MAN2B1: variants seen among roughly 807,000 people sequenced by gnomAD.
MAN2B1 encodes lysosomal alpha-mannosidase.
Under a neutral mutation model 127.5 loss-of-function variants are expected in MAN2B1, and 99 were observed. That is an observed-to-expected ratio of 0.78 (90% CI 0.66 to 0.92). MAN2B1 has a LOEUF of 0.92. Ranked by LOEUF, MAN2B1 falls within the 40% of genes least tolerant of loss-of-function variation. The pLI, the probability that MAN2B1 is intolerant of heterozygous loss-of-function variation, is 0.00. For missense variants in MAN2B1, 1,304 were observed against 1,384.8 expected (o/e 0.94, Z 0.93); for synonymous variants, 573 against 568.8 (o/e 1.01, Z -0.11).
chr19:12,666,462 G>T, intron 1 of MAN2B1, 81 bp downstream of exon 1: 1 of 1,496,382 alleles, frequency 6.7e-7, no homozygotes, highest in Non-Finnish European at 9.1e-7. Flanking sequence ...ACACCCACAG[G>T]ACAGACCCAC....
intron 13 of MAN2B1, chr19:12,656,279 T>C: frequency 2.1e-6 from 1 of 466,422 alleles, no homozygotes; most frequent in Non-Finnish European, 3.9e-6. Context: ...ATGCCTATAA[T>C]CCAGCAGGCG....
chr19:12,647,435 C>T lies in MAN2B1; in HGVS notation c.2820+8G>A, dbSNP rs1011078500. On this transcript the variant is annotated splice_region_variant and intron_variant, in intron 22 of 23. Coordinates refer to ENST00000456935, the MANE Select transcript of MAN2B1 (RefSeq NM_000528.4). The surrounding 1 kb of genome is among the most constrained non-coding windows in gnomAD (Gnocchi z 4.9). The stretch of plus-strand genomic sequence containing the variant: ...CTCCGATCTCCTTCTCAATTTTGCC[C>T]TTCTCACCCTCAAGTTCAAGGTAAC... The T allele has an allele frequency of 1.9e-6, 3 of 1,614,170 alleles. No homozygotes were observed. Among genetic ancestry groups the T allele is most frequent in the Non-Finnish European group, 2.5e-6 (3 of 1,180,008 alleles).
chr19:12,652,554 C>A, intron 14 of MAN2B1, 94 bp from the exon 15 acceptor site: 1 of 792,398 alleles, frequency 1.3e-6, no homozygotes, highest in South Asian at 1.5e-5. Context: ...TTTTTTGAGA[C>A]TGAGTCTCAC....
intron 14 of MAN2B1, 45 bp from the exon 15 acceptor site, chr19:12,652,505 G>T: frequency 3.1e-6 from 4 of 1,285,400 alleles, no homozygotes; most frequent in Non-Finnish European, 4.5e-6. Context: ...GTGTATGTGT[G>T]TGTGTTTTCT....
chr19:12,656,744 C>A, intron 12 of MAN2B1, 57 bp from the exon 13 acceptor site: 1 of 1,336,416 alleles, frequency 7.5e-7, no homozygotes, highest in Non-Finnish European at 1.1e-6. Context: ...TCCAAACCCA[C>A]CCACTTTGCA....
chr19:12,654,046 C>A lies in MAN2B1; in HGVS notation c.1831-1586G>T, dbSNP rs369051982. On this transcript the variant is annotated intron_variant, in intron 14 of 23. Coordinates refer to ENST00000456935, the MANE Select transcript of MAN2B1 (RefSeq NM_000528.4). ...GCCTTTTCTTTTTTTCTTTTTTTTT[C>A]TTTTTTTTTTTTTTGAGACGGAGTC... is the stretch of plus-strand genomic sequence containing the variant. Among the ~76,000 whole-genome samples, 4 of 135,120 alleles carry A rather than the reference C, an allele frequency of 3.0e-5. No individual in the cohort carries two copies. In the East Asian group the frequency reaches 8.8e-4, roughly 30 times the overall value. 88.6% of individuals were successfully genotyped at this position (135,120 alleles called of 152,430 possible). A position where few individuals can be genotyped will look rare whatever the true frequency, so the allele number is the denominator to read the frequency against.
chr19:12,657,139 G>A, intron 11 of MAN2B1, 83 bp from the exon 12 acceptor site: 2 of 851,538 alleles, frequency 2.3e-6, no homozygotes, highest in Non-Finnish European at 1.9e-6. Context: ...CCCCGTTCCG[G>A]TCTCTGTCCC....
intron 16 of MAN2B1, 109 bp from the exon 17 acceptor site, chr19:12,650,331 C>T: frequency 1.4e-6 from 1 of 738,564 alleles, no homozygotes; most frequent in Non-Finnish European, 2.5e-6. Flanking sequence ...ACATCAAGGT[C>T]AACCTTCAGT....
rs759744566 is a variant in MAN2B1 at position 12,647,238 on chromosome 19, T to C, written c.2918A>G (p.Asn973Ser). The change falls in exon 23 of 24, where the codon AAC becomes AGC. Residue 973 changes from asparagine (N) to serine (S), a missense_variant. Transcript: ENST00000456935. This position sits in a 1 kb window ranked among gnomAD's most constrained non-coding sequence, Gnocchi z 4.9. ...EAASRLKWTTNTGPTPHQTPY... is the reference protein window; with the variant it reads ...EAASRLKWTTSTGPTPHQTPY... The stretch of plus-strand genomic sequence containing the variant: ...ACCCCTGACCAGGGCCCCACCTGTG[T>C]TTGTTGTCCACTTGAGCCTGGAGGC... 15 of 1,613,206 alleles carry C rather than the reference T, an allele frequency of 9.3e-6. No homozygotes were observed. The East Asian group carries it at 3.3e-4, about 36-fold the overall frequency.
intron 14 of MAN2B1, among the ~76,000 whole-genome samples, chr19:12,653,100 C>T (rs901594347): frequency 1.3e-5 from 2 of 150,076 alleles, no homozygotes; most frequent in Non-Finnish European, 3.0e-5. Flanking sequence ...TCCCAAAGGG[C>T]TGGGATTACA....
rs79932579 is a variant in MAN2B1, at chr19:12,663,235, C to G, written c.909+82G>C. ...TCAAAAAAATTAAAAATAAGGAGAA[C>G]GTGTTAGGGGATGCCTGTACCATGG... On this transcript the variant is annotated intron_variant, in intron 6 of 23. Coordinates refer to ENST00000456935, the MANE Select transcript of MAN2B1 (RefSeq NM_000528.4). 5,261 of 1,521,940 alleles carry G rather than the reference C, an allele frequency of 3.5e-3. 155 individuals are homozygous for G. The African/African-American group carries it at 0.061, about 18-fold the overall frequency. The allele number at this position is 1,521,940 out of a possible 1,614,324, so 94.3% of individuals were successfully genotyped here.
Position 12,663,313 on chromosome 19 carries a change from T to C in MAN2B1, c.909+4A>G. The C allele has an allele frequency of 6.2e-7, 1 of 1,614,142 alleles. No homozygotes were observed. Among genetic ancestry groups the C allele is most frequent in the Non-Finnish European group, 8.5e-7 (1 of 1,180,018 alleles). Reference sequence around the variant, plus strand: ...GACTCGAAGGTTCTGGACACCAGGGTTACCTGGGCAGTGGCCACATTTAGG... The same window carrying C: ...GACTCGAAGGTTCTGGACACCAGGGCTACCTGGGCAGTGGCCACATTTAGG... On this transcript the variant is annotated splice_donor_region_variant and intron_variant, in intron 6 of 23. Transcript: ENST00000456935.
At chr19:12,654,945 T>G (rs1359567632) in intron 14 of MAN2B1, among the ~76,000 whole-genome samples, 3 of 152,154 alleles carry the variant, frequency 2.0e-5, no homozygotes, top group Non-Finnish European at 4.4e-5. Context: ...GAATTACAGG[T>G]ATAATCCACG....
intron 7 of MAN2B1, among the ~76,000 whole-genome samples, chr19:12,660,450 C>T (rs8107196): frequency 1.2e-4 from 18 of 151,862 alleles, no homozygotes; most frequent in Non-Finnish European, 1.9e-4. Flanking sequence ...TGCAGTGAGC[C>T]GAGAGCACGC....
chr19:12,647,180 T>A lies in MAN2B1; in HGVS notation c.2923+53A>T. ...CCATGCCTCACACATTGCCCCCACC[T>A]GCCGGCCCCAGGTAAGACTCCACCC... On this transcript the variant is annotated intron_variant, in intron 23 of 23. Transcript: ENST00000456935. This position sits in a 1 kb window ranked among gnomAD's most constrained non-coding sequence, Gnocchi z 4.9. 1 of 1,515,698 alleles carries A rather than the reference T, an allele frequency of 6.6e-7. No homozygotes were observed. Among genetic ancestry groups the A allele is most frequent in the Non-Finnish European group, 9.2e-7 (1 of 1,090,862 alleles). The allele number at this position is 1,515,698 out of a possible 1,614,324, so 93.9% of individuals were successfully genotyped here. A position where few individuals can be genotyped will look rare whatever the true frequency, so the allele number is the denominator to read the frequency against.
intron 18 of MAN2B1, 49 bp from the exon 19 acceptor site, chr19:12,649,477 CTTTTTTTTTTTTTT>C (rs36018312): frequency 3.1e-6 from 1 of 323,656 alleles, no homozygotes; most frequent in Non-Finnish European, 5.0e-6. Flanking sequence ...CTCCCCAACT[CTTTTTTTTTTTTTT>C]TTTTTTTTGA....
chr19:12,651,454 G>A (rs962018231), intron 16 of MAN2B1, among the ~76,000 whole-genome samples: 1 of 152,168 alleles, frequency 6.6e-6, no homozygotes, highest in African/African-American at 2.4e-5. Flanking sequence ...GGTGATTATG[G>A]AACCACCCCA....
At position 12,665,343 on chromosome 19, in the gene MAN2B1, T is replaced by A; in HGVS notation, c.436+9A>T. 1.9e-6 allele frequency: 3 copies of A among 1,602,830 alleles called. No individual in the cohort carries two copies. The highest frequency in any genetic ancestry group is 2.5e-6 in the Non-Finnish European group (3 of 1,179,916). ...GCTTCCTCTTTTCACTTCCTTGGGG[T>A]AGGCTCACCCTGGCGCACAAGGTCT... On this transcript the variant is annotated intron_variant, in intron 3 of 23. Coordinates refer to ENST00000456935, the MANE Select transcript of MAN2B1 (RefSeq NM_000528.4).
In MAN2B1 at chr19:12,658,160, G is replaced by C. The variant is rs2024016939; in HGVS notation, c.1231-19C>G. On this transcript the variant is annotated intron_variant, in intron 9 of 23. Coordinates refer to ENST00000456935, the MANE Select transcript of MAN2B1 (RefSeq NM_000528.4). Reference sequence around the variant, plus strand: ...TGCACACCTGGAGGCAGAGGGGTATGTTGGGGCGCCCAGCCTGTCGGGCCT... The same window carrying C: ...TGCACACCTGGAGGCAGAGGGGTATCTTGGGGCGCCCAGCCTGTCGGGCCT... The C allele has an allele frequency of 1.2e-6, 2 of 1,613,572 alleles. No individual in the cohort carries two copies. Among genetic ancestry groups the C allele is most frequent in the Non-Finnish European group, 1.7e-6 (2 of 1,179,936 alleles).
Sources: gnomAD v4.1 joint callset for allele counts (sites outside exome capture counted in the v4.1 genomes callset) on GRCh38, gnomAD v4.1.1 for gene constraint, Gnocchi (gnomAD v3.1) non-coding constraint, MANE v1.5 for transcripts, NCBI Gene and HGNC (gene_info 2026-07-23, HGNC 2026-07-21) for gene names.